Variants in ZYG11A observed in about 807,000 individuals in gnomAD.
ZYG11A encodes protein zyg-11 homolog A.
ZYG11A carries 62 observed loss-of-function variants against 77.2 expected under a neutral mutation model. The ratio of observed to expected loss-of-function variants is 0.80; its 90% CI spans 0.65 to 0.99. ZYG11A has a LOEUF of 0.99. ZYG11A is among the 50% of genes least tolerant of loss of function. The probability of loss-of-function intolerance (pLI) is 0.00; values close to 1 mark genes in which losing one functional copy is unlikely to be tolerated. For missense variants in ZYG11A, 828 were observed against 896.8 expected (o/e 0.92, Z 0.98); for synonymous variants, 315 against 324.6 (o/e 0.97, Z 0.32).
intron 11 of ZYG11A, among the ~76,000 whole-genome samples, chr1:52,882,845 A>AT (rs778533779): frequency 2.0e-5 from 3 of 151,498 alleles, no homozygotes; most frequent in South Asian, 2.1e-4. Flanking sequence ...TTTTTTGTTT[A>AT]TTTTTTGTTA....
At chr1:52,883,838 T>C (rs956972132) in intron 11 of ZYG11A, among the ~76,000 whole-genome samples, 1 of 152,084 alleles carries the variant, frequency 6.6e-6, no homozygotes, top group Non-Finnish European at 1.5e-5. Flanking sequence ...AGGGTGATTC[T>C]GAGCTGTCCA....
Position 52,842,918 on chromosome 1 carries a change from GGA to G in ZYG11A, c.36_37del (p.Asn13HisfsTer5). ...TTCTTGCACCCGGGCCACACGCCCC[GGA>G]ACATCGTCCCTCCTGACGCTCAGAA... is the stretch of plus-strand genomic sequence containing the variant. On this transcript the variant is annotated frameshift_variant, in exon 1 of 14. Transcript: ENST00000371528. LOFTEE classifies it high-confidence loss of function. 3 of 1,529,580 alleles carry G rather than the reference GGA, an allele frequency of 2.0e-6. No individual in the cohort carries two copies. The highest frequency in any genetic ancestry group is 2.6e-6 in the Non-Finnish European group (3 of 1,137,850). 94.8% of individuals were successfully genotyped at this position (1,529,580 alleles called of 1,614,324 possible).
intron 8 of ZYG11A, among the ~76,000 whole-genome samples, chr1:52,868,166 A>G (rs954744406): frequency 2.0e-5 from 3 of 151,516 alleles, no homozygotes; most frequent in Non-Finnish European, 4.4e-5. Flanking sequence ...GGGTTTCACC[A>G]TGTTGGCCAG....
intron 2 of ZYG11A, among the ~76,000 whole-genome samples, chr1:52,856,755 C>T (rs1330579267): frequency 6.6e-6 from 1 of 152,098 alleles, no homozygotes; most frequent in East Asian, 1.9e-4. Context: ...AATTACTTAA[C>T]CTATTCAAGT....
chr1:52,863,323 AT>A, intron 4 of ZYG11A, among the ~76,000 whole-genome samples: 1 of 152,120 alleles, frequency 6.6e-6, no homozygotes, highest in Middle Eastern at 3.4e-3. Flanking sequence ...TTGTTTTACC[AT>A]TTTTCAAATT....
chr1:52,843,054 C>G (rs1167800990), intron 1 of ZYG11A, 81 bp downstream of exon 1: 1 of 1,263,274 alleles, frequency 7.9e-7, no homozygotes, highest in Non-Finnish European at 1.1e-6. Flanking sequence ...TCCTGGGACG[C>G]TGCCGAGGCA....
chr1:52,868,711 C>T lies in ZYG11A; in HGVS notation c.1542+934C>T, dbSNP rs1280086455. 2.0e-5 allele frequency among the ~76,000 whole-genome samples: 3 copies of T among 152,092 alleles called. No individual in the cohort carries two copies. In the East Asian group the frequency reaches 5.8e-4, roughly 29 times the overall value. ...CTGAGGCACGAGGATTGTTTGAGCC[C>T]AGGAGGTGGAGGTTGCAGTGAGCTA... On this transcript the variant is annotated intron_variant, in intron 8 of 13. Transcript: ENST00000371528.
chr1:52,893,162 C>A lies in ZYG11A; in HGVS notation c.*205C>A. On this transcript the variant is annotated 3_prime_UTR_variant, in exon 14 of 14. Transcript: ENST00000371528. ...TTGGACTCATTCTGCAGCCTTTCAG[C>A]AGCAATTTTGAAGACTCAAACCGTG... 1 of 532,058 alleles carries A rather than the reference C, an allele frequency of 1.9e-6. No individual in the cohort carries two copies. Among genetic ancestry groups the A allele is most frequent in the Non-Finnish European group, 3.3e-6 (1 of 303,340 alleles). 33.0% of individuals were successfully genotyped at this position (532,058 alleles called of 1,614,324 possible). A position where few individuals can be genotyped will look rare whatever the true frequency, so the allele number is the denominator to read the frequency against.
intron 11 of ZYG11A, among the ~76,000 whole-genome samples, chr1:52,885,213 C>T (rs1376781991): frequency 6.6e-6 from 1 of 150,628 alleles, no homozygotes; most frequent in Non-Finnish European, 1.5e-5. Flanking sequence ...CCGGCCCACT[C>T]CTCCTATTTA....
Position 52,858,098 on chromosome 1 carries a change from TATA to T in ZYG11A, c.1008+353_1008+355del, listed in dbSNP as rs1645852431. Among the ~76,000 whole-genome samples, 3 of 149,566 alleles carry T rather than the reference TATA, an allele frequency of 2.0e-5. No individual in the cohort carries two copies. In the South Asian group the frequency reaches 6.5e-4, roughly 33 times the overall value. ...CACTGTGCCTGGCCACACGTGAGAA[TATA>T]ATATTAAGATACAGGCTGGGCATGG... On this transcript the variant is annotated intron_variant, in intron 3 of 13. Transcript: ENST00000371528.
At chr1:52,856,037 C>T (rs988775134) in intron 2 of ZYG11A, among the ~76,000 whole-genome samples, 1 of 152,128 alleles carries the variant, frequency 6.6e-6, no homozygotes, top group African/African-American at 2.4e-5. Flanking sequence ...GAGGAACTGC[C>T]AGACTATTGT....
chr1:52,882,385 T>G (rs1180521681), intron 11 of ZYG11A, among the ~76,000 whole-genome samples: 1 of 152,186 alleles, frequency 6.6e-6, no homozygotes, highest in Non-Finnish European at 1.5e-5. Flanking sequence ...TCTCAGGACT[T>G]TCTTACCTTT....
chr1:52,860,282 A>G (rs1645902528), intron 3 of ZYG11A, among the ~76,000 whole-genome samples: 2 of 152,098 alleles, frequency 1.3e-5, no homozygotes, highest in African/African-American at 2.4e-5. Flanking sequence ...TCCTGGGCTC[A>G]AGCAACCCTT....
intron 3 of ZYG11A, 113 bp downstream of exon 3, chr1:52,857,862 C>T (rs1645845783): frequency 1.2e-6 from 1 of 804,450 alleles, no homozygotes; most frequent in South Asian, 2.8e-5. Flanking sequence ...ATAAAAAAAT[C>T]CTTAAAGAGC....
intron 5 of ZYG11A, 28 bp downstream of exon 5, chr1:52,864,185 CT>C: frequency 6.5e-7 from 1 of 1,545,666 alleles, no homozygotes; most frequent in Non-Finnish European, 8.7e-7. Flanking sequence ...TTTGTTTGTG[CT>C]TTTTTTGTTG....
intron 10 of ZYG11A, among the ~76,000 whole-genome samples, chr1:52,879,747 CTTATTTATTTAT>C (rs138737616): frequency 1.4e-4 from 20 of 142,980 alleles, no homozygotes; most frequent in Non-Finnish European, 1.8e-4. Flanking sequence ...TTCCACTTTT[CTTATTTATTTAT>C]TTATTTATTT....
intron 13 of ZYG11A, among the ~76,000 whole-genome samples, chr1:52,892,450 C>G (rs1289412004): frequency 6.6e-6 from 1 of 151,408 alleles, no homozygotes; most frequent in Non-Finnish European, 1.5e-5. Flanking sequence ...ATTGCTTGAG[C>G]CCGGGAGGTG....
intron 2 of ZYG11A, 134 bp downstream of exon 2, chr1:52,854,764 T>C (rs1645777487): frequency 1.1e-6 from 1 of 948,320 alleles, no homozygotes; most frequent in Middle Eastern, 2.7e-4. Context: ...ACTCACTCTT[T>C]CTGGGATTCC....
chr1:52,867,396 T>C, intron 6 of ZYG11A, 143 bp from the exon 7 acceptor site: 1 of 625,552 alleles, frequency 1.6e-6, no homozygotes, highest in East Asian at 2.7e-5. Flanking sequence ...CTCTGCCAAA[T>C]GCTCTTGGTT....
Sources: gnomAD v4.1 joint callset for allele counts (sites outside exome capture counted in the v4.1 genomes callset) on GRCh38, gnomAD v4.1.1 for gene constraint, MANE v1.5 for transcripts, NCBI Gene and HGNC (gene_info 2026-07-23, HGNC 2026-07-21) for gene names.